The following MBTD1 variants were observed in gnomAD, a reference collection of about 807,000 sequenced individuals.
The protein encoded by MBTD1 is mbt domain containing 1.
MBTD1 carries 24 observed loss-of-function variants against 87.8 expected under a neutral mutation model. The observed-to-expected ratio is 0.27, with a 90% CI of 0.20 to 0.38. The LOEUF is 0.38. Among genes scored for constraint, MBTD1 ranks in the 10% least tolerant of loss-of-function variants. MBTD1 has a pLI of 1.00. For synonymous variants in MBTD1, 237 were observed against 248.6 expected, an observed-to-expected ratio of 0.95 and a Z score of 0.44; for missense variants, 436 against 760.2, an observed-to-expected ratio of 0.57 and a Z score of 5.02.
chr17:51,227,795 T>C (rs2053314828), intron 2 of MBTD1, among the ~76,000 whole-genome samples: 2 of 151,328 alleles, frequency 1.3e-5, no homozygotes, highest in Non-Finnish European at 2.9e-5. Context: ...ACTAAAAATA[T>C]ATACAAATTA....
chr17:51,228,330 C>T (rs2053348534), intron 2 of MBTD1, among the ~76,000 whole-genome samples: 1 of 152,184 alleles, frequency 6.6e-6, no homozygotes, highest in South Asian at 2.1e-4. Flanking sequence ...ACCCCCATGA[C>T]ACACATTTAC....
chr17:51,199,684 C>T (rs1032394098), intron 12 of MBTD1, among the ~76,000 whole-genome samples: 2 of 151,998 alleles, frequency 1.3e-5, no homozygotes, highest in Non-Finnish European at 2.9e-5. Flanking sequence ...TTGTGATTCG[C>T]CCCCCTCGGC....
intron 2 of MBTD1, among the ~76,000 whole-genome samples, chr17:51,240,167 A>C (rs2054084183): frequency 6.6e-6 from 1 of 152,152 alleles, no homozygotes; most frequent in African/African-American, 2.4e-5. Context: ...AGAAGTAATA[A>C]ATTTATGGTA....
intron 2 of MBTD1, among the ~76,000 whole-genome samples, chr17:51,248,730 A>G (rs1347838499): frequency 6.6e-6 from 1 of 152,210 alleles, no homozygotes; most frequent in Non-Finnish European, 1.5e-5. Context: ...ATACTCGTCA[A>G]TGTATCAGCT....
At chr17:51,241,121 C>T (rs979283790) in intron 2 of MBTD1, among the ~76,000 whole-genome samples, 1 of 151,940 alleles carries the variant, frequency 6.6e-6, no homozygotes, top group South Asian at 2.1e-4. Flanking sequence ...TAGGATTACA[C>T]GTGTCACCTC....
intron 3 of MBTD1, among the ~76,000 whole-genome samples, chr17:51,223,951 T>C (rs957514831): frequency 6.6e-6 from 1 of 152,250 alleles, no homozygotes. Context: ...TGGTTTAAAC[T>C]GGGTTAGTTC....
chr17:51,197,260 C>T (rs1568161618), intron 12 of MBTD1, among the ~76,000 whole-genome samples: 1 of 150,660 alleles, frequency 6.6e-6, no homozygotes, highest in Non-Finnish European at 1.5e-5. Context: ...CACCACCACA[C>T]CCGACTTATT....
At chr17:51,186,396 T>G (rs1404475203) in intron 16 of MBTD1, 1 of 151,774 alleles carries the variant, frequency 6.6e-6, no homozygotes, top group Admixed American at 6.6e-5. Flanking sequence ...TGGGGGAGAT[T>G]GTTTCTACTC....
intron 2 of MBTD1, among the ~76,000 whole-genome samples, chr17:51,227,297 G>T (rs1002859116): frequency 6.7e-6 from 1 of 150,248 alleles, no homozygotes; most frequent in Non-Finnish European, 1.5e-5. Context: ...ATGGTGGCTC[G>T]CATCTGTAAT....
chr17:51,183,471 C>T (rs1389642957), intron 16 of MBTD1: 1 of 152,202 alleles, frequency 6.6e-6, no homozygotes, highest in Non-Finnish European at 1.5e-5. Flanking sequence ...GGATTACAGG[C>T]GTAAGCCACT....
chr17:51,209,546 G>T, intron 6 of MBTD1: 1 of 465,004 alleles, frequency 2.2e-6, no homozygotes, highest in South Asian at 1.6e-5. Flanking sequence ...AAGTGGGTGG[G>T]AAGTCTTATT....
upstream of MBTD1, chr17:51,260,576 A>C: frequency 6.2e-7 from 1 of 1,611,056 alleles, no homozygotes; most frequent in Non-Finnish European, 8.5e-7. Flanking sequence ...TTTCTCCTCA[A>C]ACCTAACGAT....
At chr17:51,255,337 C>G (rs2055022764) in intron 2 of MBTD1, among the ~76,000 whole-genome samples, 1 of 151,776 alleles carries the variant, frequency 6.6e-6, no homozygotes, top group South Asian at 2.1e-4. Context: ...TCATATTGAT[C>G]TGATATAACC....
intron 6 of MBTD1, 120 bp downstream of exon 6, chr17:51,217,214 T>C (rs2052621048): frequency 1.7e-6 from 1 of 573,264 alleles, no homozygotes; most frequent in Admixed American, 3.9e-5. Context: ...AAAGAAGCAT[T>C]TCAGTTACAA....
At chr17:51,221,677 G>A (rs766563717) in intron 3 of MBTD1, among the ~76,000 whole-genome samples, 13 of 152,088 alleles carry the variant, frequency 8.5e-5, no homozygotes, top group East Asian at 3.9e-4. Context: ...TACACAGACC[G>A]TTTTTTTCTT....
intron 2 of MBTD1, among the ~76,000 whole-genome samples, chr17:51,256,018 T>C (rs553469139): frequency 6.6e-6 from 1 of 152,274 alleles, no homozygotes; most frequent in East Asian, 1.9e-4. Flanking sequence ...GGTGGCCAAA[T>C]AATTGGGCCA....
At chr17:51,258,102 A>T (rs963432205) in intron 2 of MBTD1, among the ~76,000 whole-genome samples, 1 of 152,198 alleles carries the variant, frequency 6.6e-6, no homozygotes. Context: ...AGTCCACAAG[A>T]GCAAAGCAAC....
intron 6 of MBTD1, among the ~76,000 whole-genome samples, chr17:51,211,088 G>C (rs1235064849): frequency 6.9e-6 from 1 of 144,834 alleles, no homozygotes; most frequent in African/African-American, 2.6e-5. Context: ...AGTGAGCCAA[G>C]ATGGTGCCAT....
At chr17:51,213,373 A>G (rs759082749) in intron 6 of MBTD1, among the ~76,000 whole-genome samples, 6 of 152,174 alleles carry the variant, frequency 3.9e-5, no homozygotes, top group Non-Finnish European at 5.9e-5. Context: ...ACAGACATCA[A>G]CTGAAGGCTC....
Sources: gnomAD v4.1 joint callset for allele counts (sites outside exome capture counted in the v4.1 genomes callset) on GRCh38, gnomAD v4.1.1 for gene constraint, MANE v1.5 for transcripts, NCBI Gene and HGNC (gene_info 2026-07-23, HGNC 2026-07-21) for gene names.